The following OPCML variants were observed in gnomAD, a reference collection of about 807,000 sequenced individuals.
OPCML encodes the protein opioid-binding protein/cell adhesion molecule.
OPCML carries 13 observed loss-of-function variants against 37.8 expected under a neutral mutation model. That is an observed-to-expected ratio of 0.34 (90% CI 0.22 to 0.55). OPCML has a LOEUF of 0.55. Ranked by LOEUF, OPCML falls within the 20% of genes least tolerant of loss-of-function variation. The pLI is 0.91. For synonymous variants in OPCML, 176 were observed against 168.8 expected (o/e 1.04, Z -0.33); for missense variants, 341 against 435.6 (o/e 0.78, Z 1.93).
intron 1 of OPCML, among the ~76,000 whole-genome samples, chr11:133,408,175 A>C (rs1411988949): frequency 1.3e-5 from 2 of 152,240 alleles, no homozygotes; most frequent in Non-Finnish European, 2.9e-5. Context: ...CCAAACTTCC[A>C]AATAAAGATC....
At chr11:132,430,100 A>C (rs1219460443) in intron 7 of OPCML, among the ~76,000 whole-genome samples, 1 of 152,184 alleles carries the variant, frequency 6.6e-6, no homozygotes, top group Non-Finnish European at 1.5e-5. Flanking sequence ...AGAAAGGCAG[A>C]TACAATGCGA....
intron 1 of OPCML, among the ~76,000 whole-genome samples, chr11:133,183,081 A>T (rs563079732): frequency 3.9e-5 from 6 of 152,304 alleles, no homozygotes; most frequent in African/African-American, 1.4e-4. Flanking sequence ...ATAAAATCTC[A>T]TTAATAAAGC....
intron 1 of OPCML, among the ~76,000 whole-genome samples, chr11:133,021,827 C>T (rs967258243): frequency 6.1e-5 from 4 of 66,114 alleles, no homozygotes; most frequent in East Asian, 5.5e-4. Context: ...TCGTTGGCAT[C>T]AGGGGACATT....
chr11:132,678,489 A>G (rs1045589490), intron 2 of OPCML, among the ~76,000 whole-genome samples: 1 of 152,230 alleles, frequency 6.6e-6, no homozygotes, highest in Non-Finnish European at 1.5e-5. Flanking sequence ...ATTAGGAAGC[A>G]ACTAAGAGGT....
chr11:133,247,540 T>TTCTTTC (rs1555122386), intron 1 of OPCML, among the ~76,000 whole-genome samples: 45 of 122,454 alleles, frequency 3.7e-4, no homozygotes, highest in African/African-American at 1.3e-3. Context: ...CTTTCCTTCT[T>TTCTTTC]TTTCTTTCTT....
In OPCML at chr11:132,663,442, C is replaced by G. The variant is rs536147232; in HGVS notation, c.147-6123G>C. On this transcript the variant is annotated intron_variant, in intron 2 of 7. Coordinates refer to ENST00000524381, the MANE Select transcript of OPCML (RefSeq NM_001012393.5). ...CCATGGGCTCTTTATGTATATTTTTCAATTTAGTGTTTTCATTTCTATTGT... is the reference window on the plus strand; with the variant it reads ...CCATGGGCTCTTTATGTATATTTTTGAATTTAGTGTTTTCATTTCTATTGT... 3.9e-5 allele frequency among the ~76,000 whole-genome samples: 6 copies of G among 152,248 alleles called. No homozygotes were observed. In the East Asian group the frequency reaches 9.7e-4, roughly 25 times the overall value.
intron 2 of OPCML, among the ~76,000 whole-genome samples, chr11:132,899,160 G>A (rs1274218558): frequency 6.6e-6 from 1 of 152,128 alleles, no homozygotes; most frequent in Non-Finnish European, 1.5e-5. Flanking sequence ...GCTTGCTGCA[G>A]GTAAAATAAT....
intron 1 of OPCML, among the ~76,000 whole-genome samples, chr11:133,131,972 T>A (rs977979425): frequency 5.9e-5 from 9 of 152,152 alleles, no homozygotes; most frequent in Admixed American, 4.6e-4. Context: ...TTAAAATGGA[T>A]TATGGACCTA....
intron 2 of OPCML, among the ~76,000 whole-genome samples, chr11:132,850,920 T>C (rs191118563): frequency 1.3e-3 from 192 of 152,288 alleles, no homozygotes; most frequent in African/African-American, 4.5e-3. Context: ...AGGCCAAATA[T>C]AGGCAAAGAA....
At chr11:133,039,739 C>A (rs757411810) in intron 1 of OPCML, among the ~76,000 whole-genome samples, 1 of 152,084 alleles carries the variant, frequency 6.6e-6, no homozygotes, top group South Asian at 2.1e-4. Flanking sequence ...CGTCGTGGAC[C>A]GAAAGCAAGG....
intron 1 of OPCML, among the ~76,000 whole-genome samples, chr11:133,351,129 C>T (rs377476888): frequency 6.6e-5 from 10 of 152,278 alleles, no homozygotes; most frequent in African/African-American, 1.7e-4. Context: ...GGCTTTCCCG[C>T]GATTTGCCAC....
intron 1 of OPCML, among the ~76,000 whole-genome samples, chr11:133,267,367 TC>T (rs1397962000): frequency 2.0e-5 from 3 of 152,206 alleles, no homozygotes; most frequent in Non-Finnish European, 4.4e-5. Flanking sequence ...AGCCATGTGC[TC>T]CTGAGCAAGT....
intron 1 of OPCML, among the ~76,000 whole-genome samples, chr11:133,504,558 G>A (rs970107587): frequency 1.3e-5 from 2 of 152,156 alleles, no homozygotes; most frequent in African/African-American, 4.8e-5. Context: ...TGAGTGCTGA[G>A]ATCTGATTAA....
chr11:132,505,167 G>A (rs551580426), intron 4 of OPCML, among the ~76,000 whole-genome samples: 63 of 152,234 alleles, frequency 4.1e-4, no homozygotes, highest in African/African-American at 1.5e-3. Context: ...TTACTCAAAA[G>A]GCAGAGAATA....
intron 7 of OPCML, among the ~76,000 whole-genome samples, chr11:132,428,693 C>T (rs957650467): frequency 1.3e-5 from 2 of 152,194 alleles, no homozygotes; most frequent in African/African-American, 4.8e-5. Context: ...GCTGCTGTCC[C>T]TTGCCCCTTC....
intron 2 of OPCML, among the ~76,000 whole-genome samples, chr11:132,711,055 T>C (rs1289462572): frequency 6.6e-6 from 1 of 152,078 alleles, no homozygotes; most frequent in African/African-American, 2.4e-5. Context: ...CCAACGCCAG[T>C]GACAGAGACG....
intron 1 of OPCML, among the ~76,000 whole-genome samples, chr11:133,107,087 T>A (rs1592007205): frequency 6.6e-6 from 1 of 152,176 alleles, no homozygotes; most frequent in African/African-American, 2.4e-5. Flanking sequence ...CAGGGAACTC[T>A]CTCTAGCCCC....
intron 1 of OPCML, among the ~76,000 whole-genome samples, chr11:133,077,505 A>G (rs1482869836): frequency 6.6e-6 from 1 of 152,262 alleles, no homozygotes; most frequent in Non-Finnish European, 1.5e-5. Flanking sequence ...GGGAAATGTC[A>G]GAGCTTGTCT....
chr11:132,420,365 A>G (rs1169171995), intron 7 of OPCML, 72 bp from the exon 8 acceptor site: 3 of 1,579,582 alleles, frequency 1.9e-6, no homozygotes, highest in Non-Finnish European at 2.6e-6. Flanking sequence ...CTGACAAGCA[A>G]ATACACATAC....
Sources: allele counts gnomAD v4.1 joint callset (sites outside exome capture counted in the v4.1 genomes callset), GRCh38; gene constraint gnomAD v4.1.1; transcripts MANE v1.5; gene names NCBI Gene and HGNC (gene_info 2026-07-23, HGNC 2026-07-21).